SND1: variants seen among roughly 807,000 people sequenced by gnomAD.
SND1 encodes the protein staphylococcal nuclease domain-containing protein 1.
SND1 carries 38 observed loss-of-function variants against 121.7 expected under a neutral mutation model. The observed-to-expected ratio is 0.31, with a 90% CI of 0.24 to 0.41. The LOEUF is 0.41. SND1 is among the 10% of genes least tolerant of loss of function. SND1 has a pLI of 1.00. For missense variants in SND1, 868 were observed against 1,184.6 expected, an observed-to-expected ratio of 0.73 and a Z score of 3.92; for synonymous variants, 401 against 447.4, an observed-to-expected ratio of 0.90 and a Z score of 1.31.
intron 10 of SND1, among the ~76,000 whole-genome samples, chr7:127,723,254 C>G (rs752404552): frequency 4.6e-5 from 7 of 152,276 alleles, no homozygotes; most frequent in Middle Eastern, 3.4e-3. Flanking sequence ...AGTGGGTAAA[C>G]GATGCATTTC....
intron 15 of SND1, among the ~76,000 whole-genome samples, chr7:127,935,766 A>T (rs1801048279): frequency 6.6e-6 from 1 of 152,124 alleles, no homozygotes; most frequent in African/African-American, 2.4e-5. Flanking sequence ...TCCATTATGT[A>T]AGTGTGGCAT....
At chr7:127,971,323 A>T (rs1271486147) in intron 15 of SND1, among the ~76,000 whole-genome samples, 3 of 152,242 alleles carry the variant, frequency 2.0e-5, no homozygotes, top group African/African-American at 7.2e-5. Flanking sequence ...GAGGGCTGTG[A>T]AAAAGCATCG....
At chr7:127,939,042 T>C (rs1801125825) in intron 15 of SND1, among the ~76,000 whole-genome samples, 1 of 152,166 alleles carries the variant, frequency 6.6e-6, no homozygotes, top group Admixed American at 6.5e-5. Flanking sequence ...AAGCAAAACA[T>C]GGCTTAAATA....
chr7:127,740,914 T>C (rs1455149448), intron 10 of SND1, among the ~76,000 whole-genome samples: 3 of 152,264 alleles, frequency 2.0e-5, no homozygotes, highest in Admixed American at 2.0e-4. Flanking sequence ...TTAAGACTTA[T>C]ATAAAGTAAT....
At chr7:127,872,229 T>C (rs1282183953) in intron 12 of SND1, among the ~76,000 whole-genome samples, 5 of 152,174 alleles carry the variant, frequency 3.3e-5, no homozygotes, top group Admixed American at 2.6e-4. Context: ...TGGCACAGGC[T>C]TAGCACATTT....
chr7:127,862,369 C>T (rs1353293934), intron 12 of SND1, among the ~76,000 whole-genome samples: 1 of 152,142 alleles, frequency 6.6e-6, no homozygotes, highest in Non-Finnish European at 1.5e-5. Flanking sequence ...CCCTGGAATC[C>T]GGTGCCCGGT....
intron 16 of SND1, among the ~76,000 whole-genome samples, chr7:128,017,110 A>C (rs1281634381): frequency 6.6e-6 from 1 of 152,230 alleles, no homozygotes; most frequent in African/African-American, 2.4e-5. Flanking sequence ...ACATCCCTGA[A>C]GCTGCTCAGC....
chr7:128,046,492 T>G (rs1205738512), intron 16 of SND1, among the ~76,000 whole-genome samples: 1 of 151,794 alleles, frequency 6.6e-6, no homozygotes, highest in Non-Finnish European at 1.5e-5. Flanking sequence ...GCCTCCTAAG[T>G]AGCTGGGATT....
intron 1 of SND1, chr7:127,679,145 T>G (rs1795663695): frequency 6.6e-6 from 1 of 152,242 alleles, no homozygotes; most frequent in South Asian, 2.1e-4. Context: ...GTATTGCTTC[T>G]GGCCATTTTC....
intron 15 of SND1, among the ~76,000 whole-genome samples, chr7:127,957,610 G>C (rs1358241763): frequency 6.6e-6 from 1 of 152,152 alleles, no homozygotes; most frequent in Non-Finnish European, 1.5e-5. Flanking sequence ...TACATATTCT[G>C]GGTCTTCCAG....
chr7:127,894,867 G>A (rs1008226130), intron 13 of SND1, among the ~76,000 whole-genome samples: 4 of 150,532 alleles, frequency 2.7e-5, no homozygotes, highest in African/African-American at 4.9e-5. Context: ...CGATAATAGC[G>A]GTGAACAAAA....
At chr7:127,697,057 T>A (rs1176104909) in intron 3 of SND1, among the ~76,000 whole-genome samples, 3 of 152,238 alleles carry the variant, frequency 2.0e-5, no homozygotes, top group Admixed American at 6.5e-5. Flanking sequence ...TACCCACTTT[T>A]TTTTATGATG....
intron 15 of SND1, among the ~76,000 whole-genome samples, chr7:127,989,615 G>A (rs1397777807): frequency 6.6e-6 from 1 of 151,328 alleles, no homozygotes; most frequent in Non-Finnish European, 1.5e-5. Flanking sequence ...TTCCCTTGAG[G>A]CTGTTCGTAA....
At chr7:127,692,350 GC>G (rs1795935438) in intron 2 of SND1, 1 of 152,210 alleles carries the variant, frequency 6.6e-6, no homozygotes, top group Non-Finnish European at 1.5e-5. Flanking sequence ...CTTCTTAAAA[GC>G]CACTTGCTTC....
intron 16 of SND1, among the ~76,000 whole-genome samples, chr7:128,045,550 G>A (rs1002804813): frequency 1.3e-5 from 2 of 152,136 alleles, no homozygotes; most frequent in African/African-American, 2.4e-5. Context: ...TTCTGGAAGT[G>A]GAAAAAGACA....
At chr7:127,962,561 G>A (rs1801758148) in intron 15 of SND1, among the ~76,000 whole-genome samples, 1 of 152,120 alleles carries the variant, frequency 6.6e-6, no homozygotes. Flanking sequence ...CTGTCTTTAG[G>A]AATGCCCATG....
chr7:127,929,238 T>C lies in SND1; in HGVS notation c.1578T>C (p.Arg526=). 1 of 1,614,076 alleles carries C rather than the reference T, an allele frequency of 6.2e-7. No individual in the cohort carries two copies. The highest frequency in any genetic ancestry group is 8.5e-7 in the Non-Finnish European group (1 of 1,179,910). Residue 526 remains arginine, a synonymous_variant, in exon 15 of 24, where the codon CGT becomes CGC. Transcript: ENST00000354725. The stretch of plus-strand genomic sequence containing the variant: ...TGCCTTTTCTTCAGCGGGCAGGTCG[T>C]TCTGAAGCTGTGGTGGAATACGTCT... ...QFLPFLQRAG[R]SEAVVEYVFS...
chr7:128,051,331 TGAGA>T (rs143237094), intron 16 of SND1, among the ~76,000 whole-genome samples: 2 of 151,644 alleles, frequency 1.3e-5, no homozygotes, highest in South Asian at 2.1e-4. Flanking sequence ...CCTGTAAGTA[TGAGA>T]GAGAGAGAGA....
chr7:127,661,439 T>C (rs1450839494), intron 1 of SND1, among the ~76,000 whole-genome samples: 1 of 152,212 alleles, frequency 6.6e-6, no homozygotes, highest in Non-Finnish European at 1.5e-5. Context: ...TTTAAATTCC[T>C]CACTTTCTGT....
Sources: gnomAD v4.1 joint callset for allele counts (sites outside exome capture counted in the v4.1 genomes callset) on GRCh38, gnomAD v4.1.1 for gene constraint, MANE v1.5 for transcripts, NCBI Gene and HGNC (gene_info 2026-07-23, HGNC 2026-07-21) for gene names.